The following ZBTB37 variants were observed in gnomAD, a reference collection of about 807,000 sequenced individuals.
ZBTB37 encodes the protein zinc finger and BTB domain-containing protein 37.
In ZBTB37, 15 loss-of-function variants were observed where a neutral mutation model predicts 37.7. That is an observed-to-expected ratio of 0.40 (90% CI 0.27 to 0.61). The LOEUF is 0.61. ZBTB37 is among the 20% of genes least tolerant of loss of function. ZBTB37 has a pLI of 0.44. For synonymous variants in ZBTB37, 231 were observed against 220.6 expected (o/e 1.05, Z -0.42); for missense variants, 514 against 641.9 (o/e 0.80, Z 2.15).
chr1:173,887,618 G>A (rs1262849076), downstream of ZBTB37: 2 of 152,164 alleles, frequency 1.3e-5, no homozygotes, highest in Non-Finnish European at 2.9e-5. Context: ...GAGAGAAGGA[G>A]GAATATTAAG....
exon 5 of ZBTB37, chr1:173,885,706 G>T: frequency 6.4e-7 from 1 of 1,551,936 alleles, no homozygotes; most frequent in Non-Finnish European, 8.7e-7. Context: ...GTATCTGAGC[G>T]GTGGTTCCGG....
exon 4 of ZBTB37, chr1:173,900,843 A>G (rs375707674): frequency 2.6e-4 from 39 of 152,344 alleles, no homozygotes; most frequent in East Asian, 1.3e-3. Context: ...TAGAAAAGCA[A>G]TAGCCTTTGA....
chr1:173,884,178 G>T (rs1656491647), intron 4 of ZBTB37, among the ~76,000 whole-genome samples: 1 of 150,116 alleles, frequency 6.7e-6, no homozygotes, highest in Non-Finnish European at 1.5e-5. Flanking sequence ...TTGAGGTGGG[G>T]TCTTGCTTTG....
chr1:173,881,018 A>G (rs1470051171), intron 4 of ZBTB37, among the ~76,000 whole-genome samples: 1 of 151,098 alleles, frequency 6.6e-6, no homozygotes, highest in African/African-American at 2.4e-5. Context: ...GGTTTGTTAC[A>G]TATGTATACA....
exon 4 of ZBTB37, chr1:173,894,770 C>G (rs1041251317): frequency 2.0e-5 from 3 of 152,138 alleles, no homozygotes; most frequent in African/African-American, 7.2e-5. Context: ...ATGTCCAGGA[C>G]TTGGGGCTAT....
chr1:173,891,822 G>T (rs1048056658), exon 4 of ZBTB37: 6 of 152,040 alleles, frequency 3.9e-5, no homozygotes, highest in Non-Finnish European at 8.8e-5. Flanking sequence ...AATGATATAG[G>T]GACTTTTGAA....
exon 4 of ZBTB37, chr1:173,891,672 A>T (rs1032385726): frequency 6.6e-6 from 1 of 152,162 alleles, no homozygotes; most frequent in Non-Finnish European, 1.5e-5. Context: ...AGACACCTAT[A>T]ATCCCAGCTA....
chr1:173,873,715 A>C, intron 4 of ZBTB37, 149 bp downstream of exon 4: 3 of 1,305,014 alleles, frequency 2.3e-6, no homozygotes, highest in Non-Finnish European at 3.0e-6. Context: ...AGGGTAGCAG[A>C]AGTTTAATAT....
At chr1:173,881,065 A>G (rs1233616583) in intron 4 of ZBTB37, among the ~76,000 whole-genome samples, 1 of 151,468 alleles carries the variant, frequency 6.6e-6, no homozygotes, top group Non-Finnish European at 1.5e-5. Flanking sequence ...TTAACTTGTC[A>G]TTTACATTAG....
chr1:173,872,006 C>T (rs1655597171), intron 3 of ZBTB37, among the ~76,000 whole-genome samples: 1 of 152,192 alleles, frequency 6.6e-6, no homozygotes, highest in South Asian at 2.1e-4. Flanking sequence ...TCTTGAGAAA[C>T]AAATGTATCA....
chr1:173,870,253 G>A, exon 3 of ZBTB37: 1 of 1,613,518 alleles, frequency 6.2e-7, no homozygotes, highest in Non-Finnish European at 8.5e-7. Flanking sequence ...CATACAATTG[G>A]AGATTCCTGA....
At chr1:173,869,459 G>A (rs1158949357) in intron 2 of ZBTB37, among the ~76,000 whole-genome samples, 1 of 152,164 alleles carries the variant, frequency 6.6e-6, no homozygotes, top group African/African-American at 2.4e-5. Context: ...ATCGGATCTG[G>A]AGAACTAAGT....
chr1:173,873,474 C>G (rs774278667), exon 4 of ZBTB37: 2 of 1,606,258 alleles, frequency 1.2e-6, no homozygotes, highest in African/African-American at 2.7e-5. Context: ...CAGATTTAGC[C>G]CCTCCGGCAG....
At chr1:173,870,755 A>G (rs1350246072) in exon 3 of ZBTB37, 1 of 1,614,116 alleles carries the variant, frequency 6.2e-7, no homozygotes, top group Non-Finnish European at 8.5e-7. Context: ...CGGCGAGGTC[A>G]GGTTAGTGCT....
downstream of ZBTB37, chr1:173,886,978 A>G (rs552477051): frequency 6.6e-6 from 1 of 152,316 alleles, no homozygotes; most frequent in South Asian, 2.1e-4. Flanking sequence ...TCCTTGGGTA[A>G]TGGCTCTAGT....
At chr1:173,890,921 C>T (rs1033988715), downstream of ZBTB37, 1 of 152,202 alleles carries the variant, frequency 6.6e-6, no homozygotes, top group African/African-American at 2.4e-5. Flanking sequence ...GAAAGAATTA[C>T]CTCCTAAAGT....
intron 4 of ZBTB37, among the ~76,000 whole-genome samples, chr1:173,883,946 G>C (rs1382877874): frequency 3.9e-5 from 6 of 152,086 alleles, no homozygotes; most frequent in Non-Finnish European, 8.8e-5. Context: ...AGTTACTCCA[G>C]AGTCAACTTT....
exon 4 of ZBTB37, chr1:173,895,830 T>C (rs1657023777): frequency 6.6e-6 from 1 of 152,222 alleles, no homozygotes; most frequent in Non-Finnish European, 1.5e-5. Flanking sequence ...CGTGCTGTCT[T>C]ACTAGACTGT....
exon 4 of ZBTB37, chr1:173,899,309 T>A (rs1657170228): frequency 6.6e-6 from 1 of 152,234 alleles, no homozygotes; most frequent in African/African-American, 2.4e-5. Flanking sequence ...ATCTTTTGTT[T>A]GTGCCCAGAG....
Sources: gnomAD v4.1 joint callset for allele counts (sites outside exome capture counted in the v4.1 genomes callset) on GRCh38, gnomAD v4.1.1 for gene constraint, MANE v1.5 for transcripts, NCBI Gene and HGNC (gene_info 2026-07-23, HGNC 2026-07-21) for gene names.